The following ATAD2 variants were observed in gnomAD, a reference collection of about 807,000 sequenced individuals.
ATAD2 encodes the protein ATPase family AAA domain containing 2.
Under a neutral mutation model 168.9 loss-of-function variants are expected in ATAD2, and 62 were observed. The ratio of observed to expected loss-of-function variants is 0.37; its 90% confidence interval spans 0.30 to 0.45. ATAD2 has a LOEUF of 0.45. Among genes scored for constraint, ATAD2 ranks in the 20% least tolerant of loss-of-function variants. The pLI is 1.00. For missense variants in ATAD2, 1,419 were observed against 1,667.8 expected (o/e 0.85, Z 2.60); for synonymous variants, 613 against 571.6 (o/e 1.07, Z -1.03).
intron 1 of ATAD2, among the ~76,000 whole-genome samples, chr8:123,393,644 C>T (rs767865153): frequency 3.3e-5 from 5 of 152,028 alleles, no homozygotes; most frequent in African/African-American, 9.7e-5. Flanking sequence ...TGGTCAGGCG[C>T]GGTGGTTCAT....
Position 123,356,388 on chromosome 8 carries a change from C to T in ATAD2, c.1646+1G>A, listed in dbSNP as rs1445595911. The T allele has an allele frequency of 6.2e-7, 1 of 1,608,760 alleles. No homozygotes were observed. The highest frequency in any genetic ancestry group is 8.5e-7 in the Non-Finnish European group (1 of 1,176,426). On this transcript the variant is annotated splice_donor_variant, in intron 13 of 27. Coordinates refer to ENST00000287394, the MANE Select transcript of ATAD2 (RefSeq NM_014109.4). LOFTEE classifies it high-confidence loss of function. ...TTGAAGTGCCATCAAGCAAGTTTTA[C>T]CTGTGAATCTGATCTTGCCTGCTTG...
chr8:123,415,311 T>G (rs769630022), intron 1 of ATAD2, among the ~76,000 whole-genome samples: 2 of 152,196 alleles, frequency 1.3e-5, no homozygotes, highest in Non-Finnish European at 2.9e-5. Context: ...GCATAGAGGC[T>G]ATGTGGAAGT....
At chr8:123,345,574 CG>C (rs1366308318) in intron 18 of ATAD2, among the ~76,000 whole-genome samples, 1 of 150,906 alleles carries the variant, frequency 6.6e-6, no homozygotes, top group Non-Finnish European at 1.5e-5. Flanking sequence ...CCCAGCTACT[CG>C]GGAGGCTAAG....
chr8:123,395,340 G>A (rs1812772989), intron 1 of ATAD2, among the ~76,000 whole-genome samples: 1 of 152,110 alleles, frequency 6.6e-6, no homozygotes, highest in Admixed American at 6.6e-5. Flanking sequence ...GGGAGTAACT[G>A]CTCAGCTTTA....
upstream of ATAD2, chr8:123,396,577 C>G: frequency 1.8e-6 from 1 of 556,158 alleles, no homozygotes; most frequent in South Asian, 2.3e-5. Flanking sequence ...GCGAAGGAGG[C>G]CGGGCCAACG....
intron 22 of ATAD2, 57 bp downstream of exon 22, chr8:123,336,316 C>T: frequency 6.8e-7 from 1 of 1,465,062 alleles, no homozygotes; most frequent in Non-Finnish European, 9.2e-7. Context: ...AAAATCAACC[C>T]TAAGTGTTAG....
chr8:123,396,244 C>G lies in ATAD2; in HGVS notation c.114G>C (p.Arg38=), dbSNP rs1370058792. The G allele has an allele frequency of 6.2e-7, 1 of 1,607,104 alleles. No individual in the cohort carries two copies. Among genetic ancestry groups the G allele is most frequent in the Non-Finnish European group, 8.5e-7 (1 of 1,178,632 alleles). ...FLSLEHIGRR[R]LRSAGAAQKK... ...TCTGCGCCGCGCCGGCCGAGCGGAG[C>G]CGCCTCCGGCCGATGTGCTCCAGAC... The change falls in exon 1 of 28, where the codon CGG becomes CGC. Residue 38 remains arginine (R), a synonymous_variant. Coordinates refer to ENST00000287394, the MANE Select transcript of ATAD2 (RefSeq NM_014109.4).
At chr8:123,370,690 T>C (rs1829125060) in intron 6 of ATAD2, among the ~76,000 whole-genome samples, 1 of 152,098 alleles carries the variant, frequency 6.6e-6, no homozygotes, top group African/African-American at 2.4e-5. Context: ...CAGACCAATA[T>C]TATTGGCTTT....
At position 123,371,219 on chromosome 8, in the gene ATAD2, T is replaced by C; in HGVS notation, c.639+17A>G. On this transcript the variant is annotated intron_variant, in intron 5 of 27. Transcript: ENST00000287394. ...ACTGGATATTAAATCATTCCCTTAATGGAAGAATATATTTACTTCTTCTGT... is the reference window on the plus strand; with the variant it reads ...ACTGGATATTAAATCATTCCCTTAACGGAAGAATATATTTACTTCTTCTGT... 7 of 1,552,662 alleles carry C rather than the reference T, an allele frequency of 4.5e-6. No homozygotes were observed. The highest frequency in any genetic ancestry group is 6.2e-6 in the Non-Finnish European group (7 of 1,137,790).
At chr8:123,386,116 G>A (rs1372407389) in intron 1 of ATAD2, among the ~76,000 whole-genome samples, 2 of 151,746 alleles carry the variant, frequency 1.3e-5, no homozygotes, top group African/African-American at 4.8e-5. Flanking sequence ...AAATAGTAAG[G>A]CAATTCCTCA....
intron 12 of ATAD2, 25 bp downstream of exon 12, chr8:123,357,537 G>C (rs947912215): frequency 1.3e-6 from 2 of 1,591,852 alleles, no homozygotes; most frequent in Non-Finnish European, 8.6e-7. Context: ...GAACTATCCA[G>C]ATATATAAAA....
chr8:123,365,808 T>A (rs1828959237), intron 8 of ATAD2, among the ~76,000 whole-genome samples: 1 of 152,150 alleles, frequency 6.6e-6, no homozygotes, highest in African/African-American at 2.4e-5. Flanking sequence ...CCTGAAACTA[T>A]ATAAAAATTC....
chr8:123,356,094 A>ATT (rs34496557), intron 13 of ATAD2: 19 of 149,354 alleles, frequency 1.3e-4, no homozygotes, highest in Non-Finnish European at 2.0e-4. Flanking sequence ...CACCCGGCTA[A>ATT]TTTTTTTTTT....
At chr8:123,375,641 A>C (rs1290770904) in intron 2 of ATAD2, among the ~76,000 whole-genome samples, 3 of 152,176 alleles carry the variant, frequency 2.0e-5, no homozygotes, top group Non-Finnish European at 2.9e-5. Flanking sequence ...AATAAACAAA[A>C]CATGGTATAT....
In ATAD2 at chr8:123,371,111, G is replaced by A. The variant is rs181765704; in HGVS notation, c.640-121C>T. The A allele has an allele frequency of 2.6e-5, 28 of 1,083,440 alleles. No individual in the cohort carries two copies. The African/African-American group carries it at 4.2e-4, about 16-fold the overall frequency. The allele number at this position is 1,083,440 out of a possible 1,614,324, so 67.1% of individuals were successfully genotyped here. A position where few individuals can be genotyped will look rare whatever the true frequency, so the allele number is the denominator to read the frequency against. On this transcript the variant is annotated intron_variant, in intron 5 of 27. Coordinates refer to ENST00000287394, the MANE Select transcript of ATAD2 (RefSeq NM_014109.4). ...ACAGCCATAAACTCTTACATTTCCAGCAGTAACTAATGACTGATCAAATAA... is the reference window on the plus strand; with the variant it reads ...ACAGCCATAAACTCTTACATTTCCAACAGTAACTAATGACTGATCAAATAA...
chr8:123,389,860 G>T (rs1829764823), intron 1 of ATAD2, among the ~76,000 whole-genome samples: 1 of 145,690 alleles, frequency 6.9e-6, no homozygotes, highest in Non-Finnish European at 1.5e-5. Context: ...TAGTAATGAG[G>T]ATAATAATAG....
upstream of ATAD2, chr8:123,396,480 G>C: frequency 9.0e-7 from 1 of 1,108,548 alleles, no homozygotes; most frequent in Non-Finnish European, 1.2e-6. Flanking sequence ...CGGCCGCAGC[G>C]CGCGCGCCCA....
intron 9 of ATAD2, among the ~76,000 whole-genome samples, chr8:123,359,905 T>C (rs1324777621): frequency 6.6e-6 from 1 of 152,170 alleles, no homozygotes; most frequent in East Asian, 1.9e-4. Context: ...ATTAAAGACA[T>C]ATAATCAAAT....
intron 21 of ATAD2, among the ~76,000 whole-genome samples, chr8:123,337,077 G>A (rs544947185): frequency 2.0e-5 from 3 of 150,282 alleles, no homozygotes; most frequent in Non-Finnish European, 4.4e-5. Context: ...AAAAAAAAAG[G>A]GGGGGCCGAG....
Sources: gnomAD v4.1 joint callset for allele counts (sites outside exome capture counted in the v4.1 genomes callset) on GRCh38, gnomAD v4.1.1 for gene constraint, MANE v1.5 for transcripts, NCBI Gene and HGNC (gene_info 2026-07-23, HGNC 2026-07-21) for gene names.